The following ANXA8 variants were observed in gnomAD, a reference collection of about 807,000 sequenced individuals.
ANXA8 encodes VAC-beta.
ANXA8 carries 9 observed loss-of-function variants against 26.8 expected under a neutral mutation model. That is an observed-to-expected ratio of 0.34 (90% CI 0.20 to 0.59). The LOEUF (loss-of-function observed/expected upper bound fraction) is 0.59. Ranked by LOEUF, ANXA8 falls within the 20% of genes least tolerant of loss-of-function variation. The pLI, the probability that ANXA8 is intolerant of heterozygous loss-of-function variation, is 0.84. For synonymous variants in ANXA8, 39 were observed against 94.8 expected (o/e 0.41, Z 3.42); for missense variants, 83 against 238.5 (o/e 0.35, Z 4.29).
the ANXA8 span, among the ~76,000 whole-genome samples, chr10:47,737,223 A>G: frequency 0.014 from 2,035 of 150,630 alleles, 28 homozygotes; most frequent in African/African-American, 0.046. Context: ...TTGTTTCTAG[A>G]TTTTATGGCA....
At chr10:47,573,276 C>A in the ANXA8 span, among the ~76,000 whole-genome samples, 317 of 143,450 alleles carry the variant, frequency 2.2e-3, 1 homozygote, top group East Asian at 0.015. Flanking sequence ...GCCACCGTGC[C>A]CAGCCAGCTT....
the ANXA8 span, among the ~76,000 whole-genome samples, chr10:47,700,652 T>C: frequency 2.0e-5 from 3 of 151,784 alleles, no homozygotes; most frequent in African/African-American, 7.3e-5. Flanking sequence ...ACTGATACAT[T>C]TTACTGTAGA....
chr10:47,685,632 G>T, the ANXA8 span, among the ~76,000 whole-genome samples: 1 of 151,770 alleles, frequency 6.6e-6, no homozygotes, highest in Non-Finnish European at 1.5e-5. Flanking sequence ...AAGCACAGTT[G>T]TATATGTGGT....
the ANXA8 span, among the ~76,000 whole-genome samples, chr10:47,544,229 C>G: frequency 6.6e-6 from 1 of 150,592 alleles, no homozygotes; most frequent in Admixed American, 6.6e-5. Context: ...AAAGGCACAG[C>G]ATCTTTGAGC....
chr10:47,734,926 G>A, the ANXA8 span, among the ~76,000 whole-genome samples: 3 of 125,930 alleles, frequency 2.4e-5, no homozygotes, highest in African/African-American at 3.5e-5. Flanking sequence ...GGCTGAGGCA[G>A]GAGAATTGCT....
chr10:47,595,960 A>T, the ANXA8 span, among the ~76,000 whole-genome samples: 1 of 148,882 alleles, frequency 6.7e-6, no homozygotes. Flanking sequence ...CAATATATAT[A>T]TTTTTTTCTC....
chr10:47,720,219 A>G, the ANXA8 span, among the ~76,000 whole-genome samples: 3 of 145,998 alleles, frequency 2.1e-5, no homozygotes, highest in South Asian at 6.5e-4. Context: ...GGTAGCAAAA[A>G]TTACCCAGGA....
At chr10:47,501,674 A>C in the ANXA8 span, among the ~76,000 whole-genome samples, 1 of 141,246 alleles carries the variant, frequency 7.1e-6, no homozygotes, top group South Asian at 2.3e-4. Flanking sequence ...ATGCCACTGC[A>C]CTCCAGCTGG....
the ANXA8 span, among the ~76,000 whole-genome samples, chr10:47,983,615 G>GTA: frequency 1.3e-5 from 1 of 78,428 alleles, no homozygotes; most frequent in East Asian, 3.1e-4. Flanking sequence ...TACTGTCTTA[G>GTA]TAAGAGGTTT....
At chr10:47,937,023 G>A in the ANXA8 span, among the ~76,000 whole-genome samples, 26 of 150,038 alleles carry the variant, frequency 1.7e-4, no homozygotes, top group Admixed American at 4.0e-4. Flanking sequence ...AAAGGGAGGC[G>A]GAGTTCTGAG....
chr10:47,975,770 T>C, the ANXA8 span, among the ~76,000 whole-genome samples: 1 of 149,352 alleles, frequency 6.7e-6, no homozygotes. Flanking sequence ...CTCTAAACTG[T>C]CCTGGGTACA....
the ANXA8 span, among the ~76,000 whole-genome samples, chr10:47,656,346 T>C: frequency 6.6e-6 from 1 of 151,090 alleles, no homozygotes; most frequent in East Asian, 1.9e-4. Flanking sequence ...TGCAGTGAGC[T>C]GTGATTGTGC....
the ANXA8 span, among the ~76,000 whole-genome samples, chr10:47,900,907 G>C: frequency 2.4e-5 from 3 of 127,212 alleles, no homozygotes; most frequent in Admixed American, 2.3e-4. Flanking sequence ...CTTAGTAACA[G>C]CATGGAAAAG....
the ANXA8 span, among the ~76,000 whole-genome samples, chr10:47,967,319 A>C: frequency 6.6e-6 from 1 of 150,908 alleles, no homozygotes; most frequent in Non-Finnish European, 1.5e-5. Context: ...ATCTGGAGAA[A>C]ATTTATCTAC....
chr10:47,982,406 T>A, the ANXA8 span, among the ~76,000 whole-genome samples: 1 of 150,588 alleles, frequency 6.6e-6, no homozygotes, highest in Non-Finnish European at 1.5e-5. Context: ...GAAAATCCAA[T>A]ATTAAACCTT....
the ANXA8 span, among the ~76,000 whole-genome samples, chr10:47,761,277 A>G: frequency 6.9e-6 from 1 of 144,206 alleles, no homozygotes. Context: ...CATGGGTTTC[A>G]TAACACCTGC....
At chr10:47,557,659 G>A in the ANXA8 span, among the ~76,000 whole-genome samples, 1 of 151,718 alleles carries the variant, frequency 6.6e-6, no homozygotes, top group Non-Finnish European at 1.5e-5. Context: ...TGAAAAGTGA[G>A]AGAGTACAGC....
the ANXA8 span, among the ~76,000 whole-genome samples, chr10:47,937,618 A>C: frequency 7.4e-6 from 1 of 135,090 alleles, no homozygotes; most frequent in Non-Finnish European, 1.6e-5. Flanking sequence ...CCCTCCTCCT[A>C]CTCTCCATAC....
chr10:47,636,103 AG>A, the ANXA8 span, among the ~76,000 whole-genome samples: 2 of 81,612 alleles, frequency 2.5e-5, no homozygotes, highest in Non-Finnish European at 4.4e-5. Context: ...GCAGTAATAC[AG>A]CGCTACAGCA....
Sources: gnomAD v4.1 joint callset for allele counts (sites outside exome capture counted in the v4.1 genomes callset) on GRCh38, gnomAD v4.1.1 for gene constraint, MANE v1.5 for transcripts, NCBI Gene and HGNC (gene_info 2026-07-23, HGNC 2026-07-21) for gene names.